The following CATSPERG variants were observed in gnomAD, a reference collection of about 807,000 sequenced individuals.
The protein encoded by CATSPERG is catsper channel auxiliary subunit gamma, also known as cation channel sperm-associated auxiliary subunit gamma.
CATSPERG carries 115 observed loss-of-function variants against 145.0 expected under a neutral mutation model. That is an observed-to-expected ratio of 0.79 (90% confidence interval 0.68 to 0.93). CATSPERG has a LOEUF of 0.93. CATSPERG is among the 40% of genes least tolerant of loss of function. The pLI is 0.00. For missense variants in CATSPERG, 1,296 were observed against 1,490.1 expected (o/e 0.87, Z 2.14); for synonymous variants, 588 against 589.0 (o/e 1.00, Z 0.02).
At chr19:38,346,630 G>C in intron 7 of CATSPERG, 25 bp downstream of exon 7, 1 of 1,534,424 alleles carries the variant, frequency 6.5e-7, no homozygotes, top group Non-Finnish European at 8.8e-7. Context: ...GCAGATGGTG[G>C]GCGGGGCGTC....
intron 3 of CATSPERG, among the ~76,000 whole-genome samples, chr19:38,342,902 C>T (rs113122871): frequency 6.6e-6 from 1 of 152,162 alleles, no homozygotes; most frequent in African/African-American, 2.4e-5. Context: ...GTTGTCCAGG[C>T]ATGCCCTGTC....
At chr19:38,345,062 A>G (rs1970017014) in intron 6 of CATSPERG, among the ~76,000 whole-genome samples, 1 of 150,602 alleles carries the variant, frequency 6.6e-6, no homozygotes, top group African/African-American at 2.4e-5. Context: ...ATGTACCACC[A>G]TATCCAGCTA....
At position 38,364,924 on chromosome 19, in the gene CATSPERG, C is replaced by A. The variant is rs1160644818; in HGVS notation, c.2509C>A (p.Gln837Lys). 2 of 1,614,124 alleles carry A rather than the reference C, an allele frequency of 1.2e-6. No homozygotes were observed. Among genetic ancestry groups the A allele is most frequent in the South Asian group, 1.1e-5 (1 of 91,082 alleles). ...TLKDKKLCYDQGISGHHLMET... is the reference protein window; with the variant it reads ...TLKDKKLCYDKGISGHHLMET... Reference sequence around the variant, plus strand: ...CAAGGATAAAAAGCTTTGCTATGACCAAGGCATTAGTGGACATCACCTTAT... The same window carrying A: ...CAAGGATAAAAAGCTTTGCTATGACAAAGGCATTAGTGGACATCACCTTAT... The change falls in exon 21 of 29, where the codon CAA becomes AAA. Residue 837 changes from glutamine (Q) to lysine (K), a missense_variant. Physicochemically the swap from Gln to Lys is moderately conservative, Grantham distance 53. Coordinates refer to ENST00000409235, the MANE Select transcript of CATSPERG (RefSeq NM_021185.5).
intron 14 of CATSPERG, chr19:38,359,807 C>T (rs1323032348): frequency 1.6e-6 from 2 of 1,282,990 alleles, no homozygotes; most frequent in East Asian, 3.6e-5. Flanking sequence ...CAGAGGCGGC[C>T]CTCTTTCATC....
rs576285566 is a variant in CATSPERG, at chr19:38,359,547, G to A, written c.1574G>A (p.Arg525His). Residue 525 changes from arginine (R) to histidine (H), a missense_variant, in exon 14 of 29, where the codon CGT (arginine) becomes CAT (histidine). Physicochemically the swap from Arg to His is conservative, Grantham distance 29. Coordinates refer to ENST00000409235, the MANE Select transcript of CATSPERG (RefSeq NM_021185.5). ...ATCAAATACATGGCCAGATCGTTCC[G>A]TGGGGCTGTGGCTATTGTCACAGAG... The part of the protein sequence containing the change: ...LSIKYMARSF[R>H]GAVAIVTETE... 5.3e-5 allele frequency: 86 copies of A among 1,613,556 alleles called. No individual in the cohort carries two copies. In the South Asian group the frequency reaches 6.6e-4, roughly 12 times the overall value.
Position 38,346,311 on chromosome 19 carries a change from G to T in CATSPERG, c.670-139G>T, listed in dbSNP as rs1170427701. 1.4e-5 allele frequency: 10 copies of T among 707,848 alleles called. No individual in the cohort carries two copies. The Admixed American group carries it at 2.4e-4, about 17-fold the overall frequency. 43.8% of individuals were successfully genotyped at this position (707,848 alleles called of 1,614,324 possible). ...GAGAGAGGGACCGAGGGGGAGAATGGTAAGGAATGAGGTCAAGGAAGTGAG... is the reference window on the plus strand; with the variant it reads ...GAGAGAGGGACCGAGGGGGAGAATGTTAAGGAATGAGGTCAAGGAAGTGAG... On this transcript the variant is annotated intron_variant, in intron 6 of 28. Coordinates refer to ENST00000409235, the MANE Select transcript of CATSPERG (RefSeq NM_021185.5).
intron 6 of CATSPERG, among the ~76,000 whole-genome samples, chr19:38,344,880 C>T (rs1051014059): frequency 2.7e-3 from 199 of 73,518 alleles, no homozygotes; most frequent in East Asian, 3.7e-3. Flanking sequence ...CACACACACA[C>T]ACATATATAT....
chr19:38,362,871 GTTTTTTTTTTTT>G (rs553363428), intron 20 of CATSPERG, 39 bp downstream of exon 20: 8 of 453,744 alleles, frequency 1.8e-5, no homozygotes, highest in Admixed American at 1.1e-4. Flanking sequence ...GGGAGGTTTT[GTTTTTTTTTTTT>G]TTTTTTTTTT....
chr19:38,352,868 G>T (rs1384421247), intron 8 of CATSPERG, among the ~76,000 whole-genome samples: 1 of 151,328 alleles, frequency 6.6e-6, no homozygotes, highest in Non-Finnish European at 1.5e-5. Flanking sequence ...AAACTCATTG[G>T]AGAGGAAAAA....
chr19:38,336,541 G>A (rs577545542), intron 1 of CATSPERG: 7 of 295,554 alleles, frequency 2.4e-5, no homozygotes, highest in Non-Finnish European at 4.0e-5. Context: ...GGGAGCAAGA[G>A]CAGGGGCGGG....
At position 38,359,469 on chromosome 19, in the gene CATSPERG, G is replaced by C; in HGVS notation, c.1497-1G>C. 1 of 1,607,078 alleles carries C rather than the reference G, an allele frequency of 6.2e-7. No homozygotes were observed. ...CTAGCTCTCCATCTCTGTCCCTGCAGCTCTAACAAGGAAAACTTCATCTAC... is the reference window on the plus strand; with the variant it reads ...CTAGCTCTCCATCTCTGTCCCTGCACCTCTAACAAGGAAAACTTCATCTAC... On this transcript the variant is annotated splice_acceptor_variant, in intron 13 of 28. Transcript: ENST00000409235. LOFTEE classifies it high-confidence loss of function.
chr19:38,354,129 C>T (rs913110613), intron 8 of CATSPERG, among the ~76,000 whole-genome samples: 6 of 151,766 alleles, frequency 4.0e-5, no homozygotes, highest in Non-Finnish European at 7.4e-5. Flanking sequence ...TAAGTGAATG[C>T]GTGTTCCCAG....
rs1970289574 is a variant in CATSPERG at position 38,358,625 on chromosome 19, G to A, written c.1496+64G>A. 3 of 1,601,380 alleles carry A rather than the reference G, an allele frequency of 1.9e-6. No homozygotes were observed. The African/African-American group carries it at 4.0e-5, about 21-fold the overall frequency. On this transcript the variant is annotated intron_variant, in intron 13 of 28. Coordinates refer to ENST00000409235, the MANE Select transcript of CATSPERG (RefSeq NM_021185.5). ...TGTCTCCCCAGCAACTTTACGGTGGGGACCCTTTCAAGCCCAGGCTAGGCA... is the reference window on the plus strand; with the variant it reads ...TGTCTCCCCAGCAACTTTACGGTGGAGACCCTTTCAAGCCCAGGCTAGGCA...
At chr19:38,346,840 G>A (rs939623364) in intron 7 of CATSPERG, among the ~76,000 whole-genome samples, 6 of 152,132 alleles carry the variant, frequency 3.9e-5, no homozygotes, top group Admixed American at 2.0e-4. Context: ...TCAACGACCC[G>A]GTCTTCAGAT....
Position 38,337,400 on chromosome 19 carries a change from G to GA in CATSPERG, c.166_167insA (p.Val56AspfsTer12). On this transcript the variant is annotated frameshift_variant, in exon 2 of 29. Coordinates refer to ENST00000409235, the MANE Select transcript of CATSPERG (RefSeq NM_021185.5). LOFTEE classifies it high-confidence loss of function. ...GGTTGTCCTGAACGAGTTTAAGAGGGTAGGCGAGAGTGGTGTGAGCGACAG... is the reference window on the plus strand; with the variant it reads ...GGTTGTCCTGAACGAGTTTAAGAGGGATAGGCGAGAGTGGTGTGAGCGACAG... The GA allele has an allele frequency of 6.4e-7, 1 of 1,551,972 alleles. No individual in the cohort carries two copies. The highest frequency in any genetic ancestry group is 8.7e-7 in the Non-Finnish European group (1 of 1,147,048).
At chr19:38,362,080 CTGGGGTGTGTATCTTCTGCTCTGGGT>C in intron 17 of CATSPERG, 104 bp from the exon 18 acceptor site, 2 of 1,083,024 alleles carry the variant, frequency 1.8e-6, no homozygotes, top group Non-Finnish European at 2.7e-6. Context: ...TGGGGATGGG[CTGGGGTGTGTATCTTCTGCTCTGGGT>C]TGGGGGCTGG....
chr19:38,356,681 T>C, intron 10 of CATSPERG, 61 bp from the exon 11 acceptor site: 2 of 1,605,382 alleles, frequency 1.2e-6, no homozygotes, highest in Non-Finnish European at 1.7e-6. Flanking sequence ...GGGGTACAGC[T>C]GGCACAGGAC....
At position 38,370,814 on chromosome 19, in the gene CATSPERG, C is replaced by T; in HGVS notation, c.*22C>T. On this transcript the variant is annotated 3_prime_UTR_variant, in exon 29 of 29. Coordinates refer to ENST00000409235, the MANE Select transcript of CATSPERG (RefSeq NM_021185.5). ...CTGAGTGTCCCACCTGCCCCAGCCC[C>T]CAGTTACTGTCACGCCTCTCTTATG... The T allele has an allele frequency of 6.2e-7, 1 of 1,608,360 alleles. No homozygotes were observed. Among genetic ancestry groups the T allele is most frequent in the Non-Finnish European group, 8.5e-7 (1 of 1,175,774 alleles).
At chr19:38,364,635 GAGCACTGA>G (rs1263385712) in intron 20 of CATSPERG, among the ~76,000 whole-genome samples, 3 of 152,234 alleles carry the variant, frequency 2.0e-5, no homozygotes, top group Non-Finnish European at 2.9e-5. Flanking sequence ...GGACACCATT[GAGCACTGA>G]GTGAACCAGA....
Sources: gnomAD v4.1 joint callset for allele counts (sites outside exome capture counted in the v4.1 genomes callset) on GRCh38, gnomAD v4.1.1 for gene constraint, MANE v1.5 for transcripts, NCBI Gene and HGNC (gene_info 2026-07-23, HGNC 2026-07-21) for gene names.